The following NEO1 variants were observed in gnomAD, a reference collection of about 807,000 sequenced individuals.
NEO1 encodes neogenin 1, also known as neogenin.
Under a neutral mutation model 159.7 loss-of-function variants are expected in NEO1, and 63 were observed. The observed-to-expected ratio is 0.39, with a 90% CI of 0.32 to 0.49. The LOEUF (loss-of-function observed/expected upper bound fraction) is 0.49, where lower values mean the gene tolerates loss of function less well. NEO1 is among the 20% of genes least tolerant of loss of function. NEO1 has a pLI of 0.85. For synonymous variants in NEO1, 633 were observed against 662.0 expected (o/e 0.96, Z 0.67); for missense variants, 1,615 against 1,831.0 (o/e 0.88, Z 2.15).
At chr15:73,154,631 G>A (rs577175817) in intron 5 of NEO1, among the ~76,000 whole-genome samples, 2 of 152,200 alleles carry the variant, frequency 1.3e-5, no homozygotes, top group South Asian at 2.1e-4. Context: ...TTAACATAAC[G>A]ACCTCCAGTT....
chr15:73,133,667 T>A (rs2031408447), intron 4 of NEO1, among the ~76,000 whole-genome samples: 1 of 152,208 alleles, frequency 6.6e-6, no homozygotes, highest in Non-Finnish European at 1.5e-5. Context: ...CAATACTGAA[T>A]TTACTTGAGT....
At chr15:73,283,755 C>T (rs1461150565) in intron 23 of NEO1, among the ~76,000 whole-genome samples, 1 of 152,310 alleles carries the variant, frequency 6.6e-6, no homozygotes, top group South Asian at 2.1e-4. Context: ...TCTGTACATG[C>T]CCACAGTGAA....
Position 73,236,662 on chromosome 15 carries a change from C to A in NEO1, c.1451+156C>A, listed in dbSNP as rs546520507. ...TAATTTTAGGTCATTAAATAAACTC[C>A]CAAACAGACTAAAGTCCTGGTAGTC... On this transcript the variant is annotated intron_variant, in intron 8 of 28. Transcript: ENST00000261908. Among the ~76,000 whole-genome samples, 31 of 152,240 alleles carry A rather than the reference C, an allele frequency of 2.0e-4. 1 individual carries two copies. Among genetic ancestry groups the A allele is most frequent in the African/African-American group, 7.2e-4 (30 of 41,538 alleles).
intron 1 of NEO1, among the ~76,000 whole-genome samples, chr15:73,070,948 G>A (rs551261086): frequency 1.6e-4 from 24 of 152,292 alleles, no homozygotes; most frequent in African/African-American, 5.5e-4. Context: ...GCCATTGGCA[G>A]CATGCTGAAG....
chr15:73,216,854 G>A (rs2037918223), intron 7 of NEO1, among the ~76,000 whole-genome samples: 1 of 152,152 alleles, frequency 6.6e-6, no homozygotes, highest in Non-Finnish European at 1.5e-5. Context: ...AGTAGATTGA[G>A]AAAATTTTCT....
intron 1 of NEO1, among the ~76,000 whole-genome samples, chr15:73,053,539 T>TTTTAGGTAC (rs1338483661): frequency 6.6e-5 from 10 of 152,240 alleles, no homozygotes; most frequent in Admixed American, 1.3e-4. Flanking sequence ...AAGCATCAGA[T>TTTTAGGTAC]TTTAGGTACT....
At chr15:73,256,521 C>G (rs1200458647) in intron 13 of NEO1, among the ~76,000 whole-genome samples, 1 of 151,998 alleles carries the variant, frequency 6.6e-6, no homozygotes, top group African/African-American at 2.4e-5. Context: ...AATGTTTTTA[C>G]TTGTTTATGG....
chr15:73,097,533 G>A (rs989279887), intron 1 of NEO1, among the ~76,000 whole-genome samples: 2 of 151,582 alleles, frequency 1.3e-5, no homozygotes, highest in African/African-American at 2.4e-5. Context: ...GCTAATTTTT[G>A]TATTTTTAGT....
chr15:73,164,019 AT>A (rs57049110), intron 5 of NEO1, among the ~76,000 whole-genome samples: 64,384 of 123,448 alleles, frequency 0.52, 14,354 homozygotes, highest in East Asian at 0.61. Flanking sequence ...TCTTTTTCTT[AT>A]TTTTTTTTTT....
rs770733931 is a variant in NEO1, at chr15:73,302,704, C to T, written c.*8C>T. ...GCTATCACAACAGCATGACGACCTT[C>T]ACCAGGACCTGACTTCAAACCTGAG... On this transcript the variant is annotated 3_prime_UTR_variant, in exon 29 of 29. Coordinates refer to ENST00000261908, the MANE Select transcript of NEO1 (RefSeq NM_002499.4). 2 of 1,613,060 alleles carry T rather than the reference C, an allele frequency of 1.2e-6. No homozygotes were observed. The highest frequency in any genetic ancestry group is 8.5e-7 in the Non-Finnish European group (1 of 1,179,282).
chr15:73,161,593 A>C (rs757454034), intron 5 of NEO1, among the ~76,000 whole-genome samples: 7 of 152,240 alleles, frequency 4.6e-5, no homozygotes, highest in African/African-American at 1.7e-4. Context: ...GTGGATTTCC[A>C]TCTTTAAAAA....
chr15:73,244,954 C>CAAAAAA (rs57566986), intron 9 of NEO1, among the ~76,000 whole-genome samples: 211 of 16,508 alleles, frequency 0.013, 32 homozygotes, highest in African/African-American at 0.032. Context: ...GACTCTGTCT[C>CAAAAAA]AAAAAAAAAA....
chr15:73,217,117 G>T, intron 7 of NEO1, among the ~76,000 whole-genome samples: 1 of 151,792 alleles, frequency 6.6e-6, no homozygotes. Flanking sequence ...TAAGGTGTAA[G>T]GAAGGGATCC....
chr15:73,253,496 C>A, intron 12 of NEO1, 47 bp downstream of exon 12: 2 of 1,363,522 alleles, frequency 1.5e-6, no homozygotes, highest in Non-Finnish European at 2.0e-6. Flanking sequence ...TATACTGTTG[C>A]GCCTCAGAGG....
chr15:73,221,596 C>G lies in NEO1; in HGVS notation c.1292-14751C>G, dbSNP rs564862118. ...GTGGGCTCCACCCAGTTCAAGCTTC[C>G]GGGCTGCTTTGTTTACCTAAGCAAG... is the stretch of plus-strand genomic sequence containing the variant. On this transcript the variant is annotated intron_variant, in intron 7 of 28. Coordinates refer to ENST00000261908, the MANE Select transcript of NEO1 (RefSeq NM_002499.4). 88 of 155,786 alleles carry G rather than the reference C, an allele frequency of 5.6e-4. 1 individual carries two copies. The highest frequency in any genetic ancestry group is 1.1e-3 in the Non-Finnish European group (77 of 71,068). 9.7% of individuals were successfully genotyped at this position (155,786 alleles called of 1,614,324 possible). A position where few individuals can be genotyped will look rare whatever the true frequency, so the allele number is the denominator to read the frequency against.
At chr15:73,215,664 A>C (rs1714533) in intron 7 of NEO1, among the ~76,000 whole-genome samples, 1 of 152,222 alleles carries the variant, frequency 6.6e-6, no homozygotes, top group Non-Finnish European at 1.5e-5. Flanking sequence ...CTTTTTGATA[A>C]ATTGTTGGAT....
rs748441947 is a variant in NEO1 at position 73,116,870 on chromosome 15, T to G, written c.448+13T>G. 5 of 1,433,292 alleles carry G rather than the reference T, an allele frequency of 3.5e-6. No homozygotes were observed. Among genetic ancestry groups the G allele is most frequent in the Non-Finnish European group, 4.5e-6 (5 of 1,100,082 alleles). 88.8% of individuals were successfully genotyped at this position (1,433,292 alleles called of 1,614,324 possible). On this transcript the variant is annotated intron_variant, in intron 2 of 28. Coordinates refer to ENST00000261908, the MANE Select transcript of NEO1 (RefSeq NM_002499.4). Reference sequence around the variant, plus strand: ...CTCATAGTAGCAGGTAAGTTTTAAGTGATTTTTTTTTTTGCATTTTCAAAT... The same window carrying G: ...CTCATAGTAGCAGGTAAGTTTTAAGGGATTTTTTTTTTTGCATTTTCAAAT...
chr15:73,224,147 T>C lies in NEO1; in HGVS notation c.1292-12200T>C, dbSNP rs2038444706. On this transcript the variant is annotated intron_variant, in intron 7 of 28. Transcript: ENST00000261908. ...TAGGGCCCCAATCCCTTCTAGCTTCTAGGGTTTCTGCTGAGAAATCTTCTG... is the reference window on the plus strand; with the variant it reads ...TAGGGCCCCAATCCCTTCTAGCTTCCAGGGTTTCTGCTGAGAAATCTTCTG... Among the ~76,000 whole-genome samples the C allele has an allele frequency of 3.3e-5, 5 of 152,318 alleles. No homozygotes were observed. In the South Asian group the frequency reaches 1.0e-3, roughly 32 times the overall value.
chr15:73,175,963 G>A (rs760598853), intron 5 of NEO1, among the ~76,000 whole-genome samples: 3 of 152,104 alleles, frequency 2.0e-5, no homozygotes, highest in Non-Finnish European at 4.4e-5. Context: ...CTAATGTGAC[G>A]TTTATTTTAC....
Sources: gnomAD v4.1 joint callset for allele counts (sites outside exome capture counted in the v4.1 genomes callset) on GRCh38, gnomAD v4.1.1 for gene constraint, MANE v1.5 for transcripts, NCBI Gene and HGNC (gene_info 2026-07-23, HGNC 2026-07-21) for gene names.